ZC4H2: variants seen among roughly 807,000 people sequenced by gnomAD.
The protein encoded by ZC4H2 is zinc finger C4H2-type containing.
For missense variants in ZC4H2, 137 were observed against 173.9 expected, an observed-to-expected ratio of 0.79 and a Z score of 1.19; for synonymous variants, 84 against 66.3, an observed-to-expected ratio of 1.27 and a Z score of -1.30.
intron 1 of ZC4H2, among the ~76,000 whole-genome samples, chrX:64,948,581 G>C (rs1040165286): frequency 7.2e-5 from 8 of 111,808 alleles, no homozygotes; most frequent in Non-Finnish European, 1.3e-4. Context: ...AAGCAGTGAA[G>C]TCTAACAGAA....
Position 64,917,914 on chromosome X carries a change from A to C in ZC4H2, c.562-18T>G, listed in dbSNP as rs768194211. The C allele has an allele frequency of 5.0e-6, 6 of 1,195,089 alleles. No homozygotes were observed. Among genetic ancestry groups the C allele is most frequent in the East Asian group, 3.0e-5 (1 of 33,212 alleles). The stretch of plus-strand genomic sequence containing the variant: ...AAGCAGGCCTGGTGAGGGACACAGG[A>C]AAAAGAAAGTTAGTAGTCAGATTCT... On this transcript the variant is annotated intron_variant, in intron 4 of 4. Coordinates refer to ENST00000374839, the MANE Select transcript of ZC4H2 (RefSeq NM_018684.4).
chrX:65,002,830 G>A (rs1236578507), intron 1 of ZC4H2, among the ~76,000 whole-genome samples: 1 of 109,676 alleles, frequency 9.1e-6, no homozygotes, highest in African/African-American at 3.3e-5. Context: ...GGTGCAAGAT[G>A]TGCTTTGTTA....
At chrX:64,983,306 C>T (rs1279336148) in intron 1 of ZC4H2, among the ~76,000 whole-genome samples, 2 of 112,119 alleles carry the variant, frequency 1.8e-5, no homozygotes. Context: ...GCTAAAACAG[C>T]ATAATAAATA....
chrX:64,998,345 C>T (rs1487382537), intron 1 of ZC4H2, among the ~76,000 whole-genome samples: 1 of 111,259 alleles, frequency 9.0e-6, no homozygotes, highest in African/African-American at 3.3e-5. Context: ...AAATAATATC[C>T]AAAAGAGAGC....
At chrX:64,926,228 A>G (rs969963990) in intron 1 of ZC4H2, among the ~76,000 whole-genome samples, 3 of 111,629 alleles carry the variant, frequency 2.7e-5, no homozygotes, top group Middle Eastern at 4.6e-3. Flanking sequence ...CTGTGTGTAG[A>G]AAATTAAAAT....
chrX:64,950,615 T>C, intron 1 of ZC4H2, among the ~76,000 whole-genome samples: 1 of 110,658 alleles, frequency 9.0e-6, no homozygotes, highest in African/African-American at 3.3e-5. Context: ...ACCTTCTTTG[T>C]CTCTTTTGAT....
intron 1 of ZC4H2, among the ~76,000 whole-genome samples, chrX:64,994,882 A>G (rs181700977): frequency 9.0e-6 from 1 of 111,651 alleles, no homozygotes; most frequent in East Asian, 2.8e-4. Context: ...ACAAAAAAAC[A>G]AAGAAAATGA....
At chrX:64,947,736 C>T (rs1408616943) in intron 1 of ZC4H2, among the ~76,000 whole-genome samples, 1 of 111,923 alleles carries the variant, frequency 8.9e-6, no homozygotes, top group Non-Finnish European at 1.9e-5. Flanking sequence ...AACCATACTT[C>T]AACCACTGAT....
intron 1 of ZC4H2, among the ~76,000 whole-genome samples, chrX:64,975,542 C>T (rs1233910254): frequency 8.9e-6 from 1 of 111,814 alleles, no homozygotes; most frequent in Non-Finnish European, 1.9e-5. Flanking sequence ...GAAGAAAGAC[C>T]TTGTGCCAGC....
At chrX:64,928,343 C>T (rs1242623275) in intron 1 of ZC4H2, among the ~76,000 whole-genome samples, 1 of 111,976 alleles carries the variant, frequency 8.9e-6, no homozygotes, top group South Asian at 3.8e-4. Context: ...CTGCTTATGG[C>T]TAGCCAGTTT....
intron 1 of ZC4H2, among the ~76,000 whole-genome samples, chrX:64,941,191 T>C (rs1313756107): frequency 1.8e-5 from 2 of 112,089 alleles, no homozygotes; most frequent in Non-Finnish European, 3.8e-5. Flanking sequence ...TTTGGCTCTC[T>C]GTGTGTCTAT....
chrX:64,927,895 T>C (rs1929502198), intron 1 of ZC4H2, among the ~76,000 whole-genome samples: 1 of 112,767 alleles, frequency 8.9e-6, no homozygotes, highest in Admixed American at 9.3e-5. Context: ...ATGAGCTTTT[T>C]TCATATGTTT....
At chrX:64,941,449 G>A (rs1320512089) in intron 1 of ZC4H2, among the ~76,000 whole-genome samples, 1 of 111,943 alleles carries the variant, frequency 8.9e-6, no homozygotes, top group East Asian at 2.8e-4. Context: ...AGTGGTGAGA[G>A]AGGTCATTCT....
At chrX:64,936,279 G>A (rs1930007091) in intron 1 of ZC4H2, among the ~76,000 whole-genome samples, 1 of 110,974 alleles carries the variant, frequency 9.0e-6, no homozygotes, top group Admixed American at 9.6e-5. Flanking sequence ...TATGTGAAAA[G>A]ACCAAACCTA....
At chrX:64,944,202 G>A (rs755244088) in intron 1 of ZC4H2, among the ~76,000 whole-genome samples, 11 of 100,525 alleles carry the variant, frequency 1.1e-4, no homozygotes, top group South Asian at 9.7e-4. Flanking sequence ...GTGCAGTGGC[G>A]TGATCTCAGC....
chrX:65,022,511 T>C (rs752091725), intron 1 of ZC4H2, among the ~76,000 whole-genome samples: 28 of 112,097 alleles, frequency 2.5e-4, no homozygotes, highest in Non-Finnish European at 5.1e-4. Context: ...AACTAGGTAT[T>C]GATGCAATGC....
rs761813271 is a variant in ZC4H2 at position 65,001,831 on chromosome X, CA to C, written c.-272+32797del. On this transcript the variant is annotated intron_variant, in intron 1 of 4. Transcript: ENST00000337990. The stretch of plus-strand genomic sequence containing the variant: ...AAACAAATTTTAAAACAACAATTAT[CA>C]AAAAGACAAAGAAGGGTGTTACATA... Among the ~76,000 whole-genome samples the C allele has an allele frequency of 5.4e-5, 6 of 111,508 alleles. No homozygotes were observed. In the East Asian group the frequency reaches 1.7e-3, roughly 31 times the overall value.
At chrX:64,929,737 T>TG (rs1439648345) in intron 1 of ZC4H2, among the ~76,000 whole-genome samples, 1 of 112,070 alleles carries the variant, frequency 8.9e-6, no homozygotes, top group Non-Finnish European at 1.9e-5. Context: ...ATGCCTATTT[T>TG]TATACCATTA....
At chrX:64,933,284 T>C (rs907931464) in intron 1 of ZC4H2, among the ~76,000 whole-genome samples, 3 of 111,757 alleles carry the variant, frequency 2.7e-5, no homozygotes, top group African/African-American at 9.7e-5. Flanking sequence ...AAAATTTAAG[T>C]TGGTTTTCAC....
Sources: gnomAD v4.1 joint callset for allele counts (sites outside exome capture counted in the v4.1 genomes callset) on GRCh38, gnomAD v4.1.1 for gene constraint, MANE v1.5 for transcripts, NCBI Gene and HGNC (gene_info 2026-07-23, HGNC 2026-07-21) for gene names.